Variants in PHACTR1 observed in about 807,000 individuals in gnomAD.
PHACTR1 encodes the protein RPEL repeat containing 1.
PHACTR1 carries 16 observed loss-of-function variants against 69.2 expected under a neutral mutation model. That is an observed-to-expected ratio of 0.23 (90% CI 0.16 to 0.35). The LOEUF (loss-of-function observed/expected upper bound fraction) is 0.35. PHACTR1 is among the 10% of genes least tolerant of loss of function. The pLI, the probability that PHACTR1 is intolerant of heterozygous loss-of-function variation, is 1.00. For missense variants in PHACTR1, 510 were observed against 734.7 expected (o/e 0.69, Z 3.54); for synonymous variants, 312 against 284.5 (o/e 1.10, Z -0.97).
At chr6:12,972,215 G>T (rs941301209) in intron 4 of PHACTR1, among the ~76,000 whole-genome samples, 1 of 152,160 alleles carries the variant, frequency 6.6e-6, no homozygotes, top group Non-Finnish European at 1.5e-5. Context: ...CAGACCAGAC[G>T]GGAAGTGGCA....
intron 7 of PHACTR1, among the ~76,000 whole-genome samples, chr6:13,184,313 C>G (rs971381985): frequency 6.6e-6 from 1 of 152,156 alleles, no homozygotes; most frequent in Non-Finnish European, 1.5e-5. Flanking sequence ...CTGAGCCCCT[C>G]CACTTGTTTG....
At chr6:12,719,982 A>C (rs576639701) in intron 3 of PHACTR1, among the ~76,000 whole-genome samples, 1 of 152,348 alleles carries the variant, frequency 6.6e-6, no homozygotes, top group African/African-American at 2.4e-5. Context: ...AAATTAGCAG[A>C]AGTGATGTAA....
Position 13,208,843 on chromosome 6 carries a change from T to G in PHACTR1, c.986+2707T>G, listed in dbSNP as rs200107841. 2.0e-5 allele frequency among the ~76,000 whole-genome samples: 3 copies of G among 152,312 alleles called. No individual in the cohort carries two copies. The East Asian group carries it at 5.8e-4, about 29-fold the overall frequency. On this transcript the variant is annotated intron_variant, in intron 8 of 14. Coordinates refer to ENST00000332995, the MANE Select transcript of PHACTR1 (RefSeq NM_030948.6). ...GTATTTGCGGGATATTTCAGTTTAATTTAGACCAATGGGTAGATCTAGTCG... is the reference window on the plus strand; with the variant it reads ...GTATTTGCGGGATATTTCAGTTTAAGTTAGACCAATGGGTAGATCTAGTCG...
At chr6:12,784,374 A>G (rs1771235983) in intron 4 of PHACTR1, among the ~76,000 whole-genome samples, 2 of 151,702 alleles carry the variant, frequency 1.3e-5, no homozygotes, top group African/African-American at 2.4e-5. Context: ...ATACAGACTC[A>G]CAGATACATG....
At chr6:12,777,019 A>C (rs573487944) in intron 4 of PHACTR1, among the ~76,000 whole-genome samples, 2 of 152,298 alleles carry the variant, frequency 1.3e-5, no homozygotes, top group African/African-American at 4.8e-5. Context: ...ACTCATGTTC[A>C]AGGTTAGAAA....
Position 12,902,788 on chromosome 6 carries a change from G to A in PHACTR1, c.251-150577G>A, listed in dbSNP as rs144156726. 3.0e-3 allele frequency among the ~76,000 whole-genome samples: 454 copies of A among 152,160 alleles called. 1 individual carries two copies. Among genetic ancestry groups the A allele is most frequent in the Non-Finnish European group, 5.2e-3 (353 of 68,006 alleles). On this transcript the variant is annotated intron_variant, in intron 4 of 14. Transcript: ENST00000332995. Reference sequence around the variant, plus strand: ...ACTGGCCTGGAGAATGTGCAGATTCGCTCACTACTCTCTCAAAGCAGGATG... The same window carrying A: ...ACTGGCCTGGAGAATGTGCAGATTCACTCACTACTCTCTCAAAGCAGGATG...
intron 4 of PHACTR1, among the ~76,000 whole-genome samples, chr6:12,791,895 CATA>C (rs559884716): frequency 1.6e-4 from 24 of 152,178 alleles, no homozygotes; most frequent in African/African-American, 5.1e-4. Context: ...ACGGTAAATA[CATA>C]ATGTGTTTCA....
intron 11 of PHACTR1, chr6:13,273,850 CAG>C (rs1778276037): frequency 6.6e-6 from 1 of 152,214 alleles, no homozygotes; most frequent in African/African-American, 2.4e-5. Flanking sequence ...ATATACTATG[CAG>C]AGTTTTCTAG....
At chr6:12,829,329 A>G (rs896705393) in intron 4 of PHACTR1, among the ~76,000 whole-genome samples, 1 of 152,214 alleles carries the variant, frequency 6.6e-6, no homozygotes, top group Non-Finnish European at 1.5e-5. Context: ...GTTTACATGA[A>G]GTTGTATCTC....
At chr6:12,882,748 G>A (rs755328286) in intron 4 of PHACTR1, among the ~76,000 whole-genome samples, 2 of 152,160 alleles carry the variant, frequency 1.3e-5, no homozygotes, top group Non-Finnish European at 2.9e-5. Flanking sequence ...CTGGAAAATT[G>A]GATGGTTTCC....
intron 4 of PHACTR1, among the ~76,000 whole-genome samples, chr6:13,051,155 C>G (rs1299336259): frequency 3.3e-5 from 5 of 151,892 alleles, no homozygotes. Flanking sequence ...TCTATTTTAC[C>G]AGGTTCCACT....
At chr6:13,251,623 G>A (rs754762437) in intron 10 of PHACTR1, among the ~76,000 whole-genome samples, 2 of 152,160 alleles carry the variant, frequency 1.3e-5, no homozygotes, top group South Asian at 2.1e-4. Context: ...AAGAGAACAC[G>A]GACTAATGTG....
intron 5 of PHACTR1, among the ~76,000 whole-genome samples, chr6:13,084,838 A>G (rs184621600): frequency 1.1e-4 from 16 of 152,228 alleles, no homozygotes; most frequent in Admixed American, 4.6e-4. Context: ...CATATTAAAC[A>G]TTTAAGGCTA....
At chr6:13,231,097 A>AGGAG in intron 10 of PHACTR1, among the ~76,000 whole-genome samples, 1 of 60,822 alleles carries the variant, frequency 1.6e-5, no homozygotes, top group Non-Finnish European at 4.0e-5. Context: ...GAAGGAAGGA[A>AGGAG]GGGAAAAGAA....
At chr6:12,783,264 G>A (rs1379514273) in intron 4 of PHACTR1, among the ~76,000 whole-genome samples, 1 of 152,142 alleles carries the variant, frequency 6.6e-6, no homozygotes, top group African/African-American at 2.4e-5. Flanking sequence ...TTGTGCACAG[G>A]CACATACTGT....
intron 1 of PHACTR1, 83 bp downstream of exon 1, chr6:12,716,979 G>C (rs1477693567): frequency 6.6e-6 from 1 of 151,988 alleles, no homozygotes; most frequent in African/African-American, 2.4e-5. Flanking sequence ...GGGTTGTGGG[G>C]GGAGTGGGGA....
At chr6:12,805,763 A>G (rs1412738) in intron 4 of PHACTR1, among the ~76,000 whole-genome samples, 56,457 of 151,606 alleles carry the variant, frequency 0.37, 11,306 homozygotes, top group African/African-American at 0.5. Flanking sequence ...ACCACTCCTA[A>G]CTAATTTTTG....
intron 4 of PHACTR1, among the ~76,000 whole-genome samples, chr6:12,994,925 A>G (rs1167754852): frequency 6.6e-6 from 1 of 152,286 alleles, no homozygotes; most frequent in African/African-American, 2.4e-5. Flanking sequence ...CATGCTAGTA[A>G]ACTCAGGGTC....
chr6:13,016,632 G>GT lies in PHACTR1; in HGVS notation c.251-36719dup, dbSNP rs59575469. Among the ~76,000 whole-genome samples, 880 of 142,064 alleles carry GT rather than the reference G, an allele frequency of 6.2e-3. 2 individuals are homozygous for GT. The highest frequency in any genetic ancestry group is 0.019 in the East Asian group (94 of 4,840). The allele number at this position is 142,064 out of a possible 152,430, so 93.2% of individuals were successfully genotyped here. On this transcript the variant is annotated intron_variant, in intron 4 of 14. Coordinates refer to ENST00000332995, the MANE Select transcript of PHACTR1 (RefSeq NM_030948.6). ...TTAGCAATTATCTTTTTACTCAAGAGTTTTTTTTTTTTTTCCTGGTATCTA... is the reference window on the plus strand; with the variant it reads ...TTAGCAATTATCTTTTTACTCAAGAGTTTTTTTTTTTTTTTCCTGGTATCTA...
Sources: allele counts gnomAD v4.1 joint callset (sites outside exome capture counted in the v4.1 genomes callset), GRCh38; gene constraint gnomAD v4.1.1; transcripts MANE v1.5; gene names NCBI Gene and HGNC (gene_info 2026-07-23, HGNC 2026-07-21).